GALNT7: variants seen among roughly 807,000 people sequenced by gnomAD.
The protein encoded by GALNT7 is N-acetylgalactosaminyltransferase 7.
GALNT7 carries 60 observed loss-of-function variants against 82.1 expected under a neutral mutation model. That is an observed-to-expected ratio of 0.73 (90% CI 0.59 to 0.91). GALNT7 has a LOEUF of 0.91. Ranked by LOEUF, GALNT7 falls within the 40% of genes least tolerant of loss-of-function variation. The pLI, the probability that GALNT7 is intolerant of heterozygous loss-of-function variation, is 0.00. For synonymous variants in GALNT7, 243 were observed against 275.1 expected (o/e 0.88, Z 1.15); for missense variants, 660 against 804.2 (o/e 0.82, Z 2.17).
At chr4:173,261,935 A>T (rs1735281138) in intron 2 of GALNT7, among the ~76,000 whole-genome samples, 1 of 152,210 alleles carries the variant, frequency 6.6e-6, no homozygotes, top group African/African-American at 2.4e-5. Flanking sequence ...TTAATCGTTA[A>T]TTCATTTAAG....
chr4:173,271,007 C>T (rs1259618664), intron 2 of GALNT7, among the ~76,000 whole-genome samples: 2 of 152,196 alleles, frequency 1.3e-5, no homozygotes, highest in Non-Finnish European at 2.9e-5. Flanking sequence ...AAGTTCCCCT[C>T]AGTATAATTT....
intron 1 of GALNT7, among the ~76,000 whole-genome samples, chr4:173,225,022 AATAAT>A (rs1733779368): frequency 0.11 from 647 of 5,782 alleles, 2 homozygotes; most frequent in Non-Finnish European, 0.49. Flanking sequence ...CTCAAAAAAT[AATAAT>A]AATAATAATA....
intron 2 of GALNT7, among the ~76,000 whole-genome samples, chr4:173,249,563 A>C (rs1734779477): frequency 6.6e-6 from 1 of 152,214 alleles, no homozygotes; most frequent in Admixed American, 6.5e-5. Flanking sequence ...TGAAGGAAGA[A>C]TCTTAGAGTA....
At chr4:173,192,899 C>T (rs1579897414) in intron 1 of GALNT7, among the ~76,000 whole-genome samples, 1 of 152,176 alleles carries the variant, frequency 6.6e-6, no homozygotes, top group Non-Finnish European at 1.5e-5. Flanking sequence ...TATTCTCTCT[C>T]CTGGGATTTT....
At chr4:173,279,273 G>A (rs1351913152) in intron 2 of GALNT7, among the ~76,000 whole-genome samples, 3 of 152,232 alleles carry the variant, frequency 2.0e-5, no homozygotes, top group Admixed American at 2.0e-4. Flanking sequence ...GAGACTGAGA[G>A]CAAGAGAGAG....
chr4:173,254,408 A>T (rs1242652919), intron 2 of GALNT7, among the ~76,000 whole-genome samples: 1 of 152,188 alleles, frequency 6.6e-6, no homozygotes, highest in African/African-American at 2.4e-5. Context: ...TTTAGAATGT[A>T]TTGCTATAAT....
chr4:173,273,424 G>A (rs1388943298), intron 2 of GALNT7, among the ~76,000 whole-genome samples: 1 of 152,110 alleles, frequency 6.6e-6, no homozygotes, highest in African/African-American at 2.4e-5. Context: ...TTACCATAAG[G>A]AGGCCCCTGT....
chr4:173,225,017 A>AT (rs1247139160), intron 1 of GALNT7, among the ~76,000 whole-genome samples: 4 of 39,946 alleles, frequency 1.0e-4, no homozygotes, highest in Admixed American at 3.0e-4. Flanking sequence ...TCTGTCTCAA[A>AT]AAATAATAAT....
chr4:173,244,853 T>C (rs1734564827), intron 1 of GALNT7, among the ~76,000 whole-genome samples: 1 of 151,998 alleles, frequency 6.6e-6, no homozygotes, highest in Non-Finnish European at 1.5e-5. Flanking sequence ...AAGTTGAGGG[T>C]GATTGCAGGT....
chr4:173,217,182 G>A (rs918230675), intron 1 of GALNT7, among the ~76,000 whole-genome samples: 1 of 152,044 alleles, frequency 6.6e-6, no homozygotes, highest in African/African-American at 2.4e-5. Context: ...AGAGAATGGT[G>A]CCATTAAGTT....
In GALNT7 at chr4:173,168,975, C is replaced by T. The variant is rs762084963; in HGVS notation, c.126+14C>T. The T allele has an allele frequency of 1.2e-6, 2 of 1,609,572 alleles. No individual in the cohort carries two copies. Among genetic ancestry groups the T allele is most frequent in the Non-Finnish European group, 1.7e-6 (2 of 1,177,574 alleles). ...AGCAGGATGAGGGTGAGTGACCCGCCCGGCCCCCTCCGGCGGCAGCGACCG... is the reference window on the plus strand; with the variant it reads ...AGCAGGATGAGGGTGAGTGACCCGCTCGGCCCCCTCCGGCGGCAGCGACCG... On this transcript the variant is annotated intron_variant, in intron 1 of 11. Transcript: ENST00000265000.
At chr4:173,264,139 C>G (rs1326713974) in intron 2 of GALNT7, among the ~76,000 whole-genome samples, 2 of 152,118 alleles carry the variant, frequency 1.3e-5, no homozygotes, top group African/African-American at 2.4e-5. Context: ...CCCCCTCCAC[C>G]CTTCCCTTTT....
chr4:173,257,141 G>C (rs1735069033), intron 2 of GALNT7, among the ~76,000 whole-genome samples: 1 of 152,168 alleles, frequency 6.6e-6, no homozygotes, highest in South Asian at 2.1e-4. Context: ...GTTGAACCAG[G>C]CTAGAGGCAG....
At chr4:173,258,336 T>G (rs1395087349) in intron 2 of GALNT7, among the ~76,000 whole-genome samples, 1 of 152,202 alleles carries the variant, frequency 6.6e-6, no homozygotes, top group Non-Finnish European at 1.5e-5. Flanking sequence ...TGTGCACCAG[T>G]AGACATAGAG....
chr4:173,313,611 T>C (rs1049242951), intron 8 of GALNT7, among the ~76,000 whole-genome samples: 2 of 149,546 alleles, frequency 1.3e-5, no homozygotes, highest in Non-Finnish European at 3.0e-5. Context: ...GAGATTATTA[T>C]AGGGAAAGAA....
At position 173,302,091 on chromosome 4, in the gene GALNT7, T is replaced by C; in HGVS notation, c.1193T>C (p.Phe398Ser). ...AGGLFAIERE[F>S]FFELGLYDPG... is the part of the protein sequence containing the mutation. ...GGATTATTTGCCATTGAACGAGAGT[T>C]CTTCTTTGAATTGGGTCTCTATGAT... The change falls in exon 7 of 12, where the codon TTC becomes TCC. Residue 398 changes from phenylalanine to serine, a missense_variant. Phe to Ser is a radical substitution (Grantham distance 155). Transcript: ENST00000265000. The surrounding 1 kb of genome is among the most constrained non-coding windows in gnomAD (Gnocchi z 4.2). 6.2e-7 allele frequency: 1 copy of C among 1,604,056 alleles called. No individual in the cohort carries two copies. The highest frequency in any genetic ancestry group is 8.5e-7 in the Non-Finnish European group (1 of 1,170,870).
chr4:173,295,284 A>G (rs1736681165), intron 3 of GALNT7, 112 bp from the exon 4 acceptor site: 1 of 711,360 alleles, frequency 1.4e-6, no homozygotes, highest in South Asian at 1.8e-5. Flanking sequence ...AATCTGGTCC[A>G]TGTAAAATTA....
intron 2 of GALNT7, among the ~76,000 whole-genome samples, chr4:173,264,223 C>T (rs1735392130): frequency 2.6e-5 from 4 of 151,988 alleles, no homozygotes; most frequent in Non-Finnish European, 4.4e-5. Context: ...GATTGTAAAA[C>T]GTTAAGCAGA....
At chr4:173,248,851 CCTTAT>C (rs1187520446) in intron 2 of GALNT7, among the ~76,000 whole-genome samples, 1 of 152,162 alleles carries the variant, frequency 6.6e-6, no homozygotes, top group Non-Finnish European at 1.5e-5. Context: ...GGAGCAAGTG[CCTTAT>C]CTTGTTGTGG....
Sources: gnomAD v4.1 joint callset for allele counts (sites outside exome capture counted in the v4.1 genomes callset) on GRCh38, gnomAD v4.1.1 for gene constraint, Gnocchi (gnomAD v3.1) non-coding constraint, MANE v1.5 for transcripts, NCBI Gene and HGNC (gene_info 2026-07-23, HGNC 2026-07-21) for gene names.